Variants in YTHDC1 observed in about 807,000 individuals in gnomAD.
YTHDC1 encodes YTH N6-methyladenosine RNA binding protein C1, also known as YTH domain-containing protein 1.
In YTHDC1, 12 loss-of-function variants were observed where a neutral mutation model predicts 107.0. That is an observed-to-expected ratio of 0.11 (90% CI 0.07 to 0.18). The LOEUF (loss-of-function observed/expected upper bound fraction) is 0.18. Ranked by LOEUF, YTHDC1 falls within the 10% of genes least tolerant of loss-of-function variation. The pLI is 1.00. For synonymous variants in YTHDC1, 280 were observed against 289.5 expected, an observed-to-expected ratio of 0.97 and a Z score of 0.33; for missense variants, 635 against 898.8, an observed-to-expected ratio of 0.71 and a Z score of 3.75.
At chr4:68,345,653 T>C (rs1725326369) in intron 1 of YTHDC1, among the ~76,000 whole-genome samples, 1 of 152,174 alleles carries the variant, frequency 6.6e-6, no homozygotes, top group African/African-American at 2.4e-5. Flanking sequence ...ACCTTACTTA[T>C]ACTATAGGTA....
At chr4:68,332,391 A>G (rs1295888452) in intron 6 of YTHDC1, among the ~76,000 whole-genome samples, 194 bp from the exon 7 acceptor site, 4 of 152,142 alleles carry the variant, frequency 2.6e-5, no homozygotes, top group Admixed American at 6.6e-5. Flanking sequence ...ATATTGCAAG[A>G]AAGTAAACCT....
intron 1 of YTHDC1, among the ~76,000 whole-genome samples, chr4:68,342,795 T>C (rs1377043664): frequency 1.3e-5 from 2 of 152,216 alleles, no homozygotes; most frequent in East Asian, 3.8e-4. Context: ...TCTCACAAGC[T>C]ACTGCTGTTA....
At chr4:68,347,264 T>C (rs1373191316) in intron 1 of YTHDC1, among the ~76,000 whole-genome samples, 1 of 152,206 alleles carries the variant, frequency 6.6e-6, no homozygotes, top group Non-Finnish European at 1.5e-5. Context: ...GTAGAGAACT[T>C]TGTAAAAGAT....
At chr4:68,315,724 C>G (rs895159431) in intron 16 of YTHDC1, 5 of 151,866 alleles carry the variant, frequency 3.3e-5, no homozygotes, top group Non-Finnish European at 5.9e-5. Context: ...TGTTTTGAAG[C>G]CATCAAAAAA....
Position 68,310,771 on chromosome 4 carries a change from G to A in YTHDC1, c.*3328C>T, listed in dbSNP as rs926247409. 6.6e-6 allele frequency: 1 copy of A among 152,136 alleles called. No individual in the cohort carries two copies. Among genetic ancestry groups the A allele is most frequent in the Non-Finnish European group, 1.5e-5 (1 of 68,044 alleles). The allele number at this position is 152,136 out of a possible 1,614,324, so 9.4% of individuals were successfully genotyped here. On this transcript the variant is annotated 3_prime_UTR_variant, in exon 17 of 17. Coordinates refer to ENST00000344157, the MANE Select transcript of YTHDC1 (RefSeq NM_001031732.4). ...CGTTGGGTCAGGGAACTCTAGCTTGGTCAGTTAACTGCTGGCAACAGTTCC... is the reference window on the plus strand; with the variant it reads ...CGTTGGGTCAGGGAACTCTAGCTTGATCAGTTAACTGCTGGCAACAGTTCC...
At chr4:68,320,487 T>C (rs897489152) in intron 11 of YTHDC1, among the ~76,000 whole-genome samples, 2 of 152,132 alleles carry the variant, frequency 1.3e-5, no homozygotes, top group Non-Finnish European at 2.9e-5. Context: ...AGTCACATTT[T>C]AGTAGTCTAA....
chr4:68,328,683 G>C (rs1723250409), intron 9 of YTHDC1, among the ~76,000 whole-genome samples: 1 of 152,102 alleles, frequency 6.6e-6, no homozygotes, highest in South Asian at 2.1e-4. Flanking sequence ...TATTTTTTCT[G>C]CACATAGCTT....
rs1725911818 is a variant in YTHDC1 at position 68,349,847 on chromosome 4, C to A, written c.-94G>T. On this transcript the variant is annotated 5_prime_UTR_variant, in exon 1 of 17. Coordinates refer to ENST00000344157, the MANE Select transcript of YTHDC1 (RefSeq NM_001031732.4). The stretch of plus-strand genomic sequence containing the variant: ...GCCGCGGCAGAAGCACGGGCCCGTC[C>A]GTCAGTCCGTCTGCCCGGATACGCG... The A allele has an allele frequency of 6.4e-7, 1 of 1,564,424 alleles. No individual in the cohort carries two copies. Among genetic ancestry groups the A allele is most frequent in the Non-Finnish European group, 8.8e-7 (1 of 1,141,412 alleles).
intron 4 of YTHDC1, among the ~76,000 whole-genome samples, chr4:68,334,947 GT>G (rs1335843269): frequency 6.6e-6 from 1 of 152,082 alleles, no homozygotes; most frequent in Non-Finnish European, 1.5e-5. Flanking sequence ...CTACTCAATT[GT>G]TTTTATATAA....
intron 15 of YTHDC1, among the ~76,000 whole-genome samples, chr4:68,317,861 C>T (rs1266378232): frequency 6.6e-6 from 1 of 152,144 alleles, no homozygotes; most frequent in African/African-American, 2.4e-5. Context: ...TAAGACAAAG[C>T]ATCAGTGAAT....
chr4:68,319,299 G>T (rs1362124375), intron 12 of YTHDC1, among the ~76,000 whole-genome samples: 2 of 152,056 alleles, frequency 1.3e-5, no homozygotes, highest in Admixed American at 1.3e-4. Context: ...TAAGGGGGAG[G>T]GGGAAAAAAT....
At chr4:68,325,300 T>C (rs144463416) in intron 9 of YTHDC1, among the ~76,000 whole-genome samples, 230 of 152,272 alleles carry the variant, frequency 1.5e-3, no homozygotes, top group Non-Finnish European at 2.8e-3. Flanking sequence ...GGAGTGGTTG[T>C]ATCTATTTTG....
At chr4:68,345,119 T>C (rs569032881) in intron 1 of YTHDC1, among the ~76,000 whole-genome samples, 32 of 152,320 alleles carry the variant, frequency 2.1e-4, no homozygotes, top group South Asian at 6.2e-4. Context: ...TGTTTGTTGC[T>C]TGGCTGGGGG....
intron 9 of YTHDC1, among the ~76,000 whole-genome samples, chr4:68,326,078 T>A (rs1171603656): frequency 6.6e-6 from 1 of 152,106 alleles, no homozygotes; most frequent in Non-Finnish European, 1.5e-5. Context: ...TTAAAACAGT[T>A]ATAGGAAAGG....
Position 68,338,205 on chromosome 4 carries a change from ACAGT to A in YTHDC1, c.130+74_130+77del, listed in dbSNP as rs555980375. On this transcript the variant is annotated intron_variant, in intron 2 of 16. Coordinates refer to ENST00000344157, the MANE Select transcript of YTHDC1 (RefSeq NM_001031732.4). ...CCTCAAGGAACAAGCACAAAAAAGC[ACAGT>A]CATTTTTTTTAAGAAATTGAATCTC... The A allele has an allele frequency of 4.1e-4, 575 of 1,398,204 alleles. 1 individual carries two copies. In the African/African-American group the frequency reaches 7.3e-3, roughly 18 times the overall value. 86.6% of individuals were successfully genotyped at this position (1,398,204 alleles called of 1,614,324 possible). A position where few individuals can be genotyped will look rare whatever the true frequency, so the allele number is the denominator to read the frequency against.
At chr4:68,348,884 T>TTAATCTAGACCACTCTCCAGAGAGACAC (rs1456194389) in intron 1 of YTHDC1, among the ~76,000 whole-genome samples, 1 of 152,180 alleles carries the variant, frequency 6.6e-6, no homozygotes, top group East Asian at 1.9e-4. Flanking sequence ...AAAGCAGCAT[T>TTAATCTAGACCACTCTCCAGAGAGACAC]TAATCTAGAC....
chr4:68,333,025 T>G (rs1560490890), intron 5 of YTHDC1, among the ~76,000 whole-genome samples, 178 bp from the exon 6 acceptor site: 1 of 152,094 alleles, frequency 6.6e-6, no homozygotes, highest in Non-Finnish European at 1.5e-5. Flanking sequence ...GTTGTTTGGA[T>G]TTTTTTAAAA....
chr4:68,329,336 C>A (rs1468191232), intron 9 of YTHDC1, among the ~76,000 whole-genome samples: 1 of 152,158 alleles, frequency 6.6e-6, no homozygotes, highest in Non-Finnish European at 1.5e-5. Context: ...TCTTTTTCAT[C>A]CGACCCCTTC....
intron 1 of YTHDC1, among the ~76,000 whole-genome samples, chr4:68,342,839 A>G (rs1724996115): frequency 6.6e-6 from 1 of 152,180 alleles, no homozygotes. Context: ...ATCCTTTTTG[A>G]AAAGAAATAA....
Sources: allele counts gnomAD v4.1 joint callset (sites outside exome capture counted in the v4.1 genomes callset), GRCh38; gene constraint gnomAD v4.1.1; transcripts MANE v1.5; gene names NCBI Gene and HGNC (gene_info 2026-07-23, HGNC 2026-07-21).